The following WDR24 variants were observed in gnomAD, a reference collection of about 807,000 sequenced individuals.
The protein encoded by WDR24 is GATOR2 complex protein WDR24.
A neutral mutation model predicts 66.7 loss-of-function variants in WDR24; 32 were observed. The ratio of observed to expected loss-of-function variants is 0.48; its 90% confidence interval spans 0.36 to 0.64. The LOEUF (loss-of-function observed/expected upper bound fraction) is 0.64, where lower values mean the gene tolerates loss of function less well. Ranked by LOEUF, WDR24 falls within the 30% of genes least tolerant of loss-of-function variation. The pLI is 0.00. For missense variants in WDR24, 978 were observed against 1,144.1 expected (o/e 0.85, Z 2.09); for synonymous variants, 565 against 469.1 (o/e 1.20, Z -2.64).
chr16:686,918 G>A lies in WDR24; in HGVS notation c.1158C>T (p.Ala386=), dbSNP rs756872824. 21 of 1,606,566 alleles carry A rather than the reference G, an allele frequency of 1.3e-5. No individual in the cohort carries two copies. Among genetic ancestry groups the A allele is most frequent in the East Asian group, 2.2e-5 (1 of 44,760 alleles). The change falls in exon 3 of 9, where the codon GCC becomes GCT. Residue 386 remains alanine (A), a synonymous_variant. Coordinates refer to ENST00000293883, the MANE Select transcript of WDR24 (RefSeq NM_032259.4). ...TGGAGGCGAGGCCTGCGAAGGGCTC[G>A]GCAGGGTCCAGCTTGCGCTTAAAGA... is the stretch of plus-strand genomic sequence containing the variant. ...PIFFKRKLDP[A]EPFAGLASSA...
rs549672812 is a variant in WDR24, at chr16:686,554, T to C, written c.1332+190A>G. Among the ~76,000 whole-genome samples the C allele has an allele frequency of 7.3e-4, 64 of 87,750 alleles. 3 individuals are homozygous for C. In the South Asian group the frequency reaches 0.016, roughly 22 times the overall value. The allele number at this position is 87,750 out of a possible 152,430, so 57.6% of individuals were successfully genotyped here. A position where few individuals can be genotyped will look rare whatever the true frequency, so the allele number is the denominator to read the frequency against. The stretch of plus-strand genomic sequence containing the variant: ...ACCCCCGCCCCTCAGAGGACAGTCC[T>C]GGGTCTGGCCCACCCTGGAGCCCTG... On this transcript the variant is annotated intron_variant, in intron 3 of 8. Transcript: ENST00000293883.
chr16:690,038 G>A lies in WDR24; in HGVS notation c.-398C>T, dbSNP rs1345599195. 4.2e-6 allele frequency: 2 copies of A among 479,706 alleles called. No homozygotes were observed. Among genetic ancestry groups the A allele is most frequent in the Non-Finnish European group, 8.2e-6 (2 of 242,698 alleles). The allele number at this position is 479,706 out of a possible 1,614,324, so 29.7% of individuals were successfully genotyped here. A position where few individuals can be genotyped will look rare whatever the true frequency, so the allele number is the denominator to read the frequency against. ...GGTCAGTCAATCCCAGCAGGGGAGC[G>A]AGGAGACTCCCGCCGTCCACACTGT... On this transcript the variant is annotated 5_prime_UTR_variant, in exon 1 of 9. Coordinates refer to ENST00000293883, the MANE Select transcript of WDR24 (RefSeq NM_032259.4).
rs555445712 is a variant in WDR24 at position 690,205 on chromosome 16, T to C, written c.-565A>G. ...ACCGAGCTACTTAAGGAGCTCGAGG[T>C]GTCTGGCGGGACCGGAGGCAGGAGA... On this transcript the variant is annotated 5_prime_UTR_variant, in exon 1 of 9. Transcript: ENST00000293883. 2.6e-6 allele frequency: 1 copy of C among 389,992 alleles called. No homozygotes were observed. Among genetic ancestry groups the C allele is most frequent in the Admixed American group, 3.0e-5 (1 of 33,160 alleles). 24.2% of individuals were successfully genotyped at this position (389,992 alleles called of 1,614,324 possible).
chr16:689,742 A>G lies in WDR24; in HGVS notation c.-102T>C. The G allele has an allele frequency of 6.7e-7, 1 of 1,503,682 alleles. No homozygotes were observed. Among genetic ancestry groups the G allele is most frequent in the Non-Finnish European group, 8.9e-7 (1 of 1,124,568 alleles). The allele number at this position is 1,503,682 out of a possible 1,614,324, so 93.1% of individuals were successfully genotyped here. A position where few individuals can be genotyped will look rare whatever the true frequency, so the allele number is the denominator to read the frequency against. ...GTTCAGACCTTCCACCCAGGTTGGGACCCCAGAACTGCTTGGTCCCGGGCT... is the reference window on the plus strand; with the variant it reads ...GTTCAGACCTTCCACCCAGGTTGGGGCCCCAGAACTGCTTGGTCCCGGGCT... On this transcript the variant is annotated 5_prime_UTR_variant, in exon 1 of 9. Coordinates refer to ENST00000293883, the MANE Select transcript of WDR24 (RefSeq NM_032259.4).
Position 685,409 on chromosome 16 carries a change from G to A in WDR24, c.1867C>T (p.Leu623Phe), listed in dbSNP as rs758028560. ...TCGGGCGGCAGGCGGCTGTCGTAGA[G>A]CGCGTGTGAGACAGACAGGAGCGAG... ...SFSLLSVSHA[L>F]YDSRLPPDFF... is the part of the protein sequence containing the mutation. Residue 623 changes from leucine (L) to phenylalanine (F), a missense_variant, in exon 7 of 9, where the codon CTC becomes TTC. Around this residue, in one of 2 missense-constraint regions of WDR24, gnomAD observed 676 missense variants for 617.5 expected, o/e 1.09. Coordinates refer to ENST00000293883, the MANE Select transcript of WDR24 (RefSeq NM_032259.4). 3.7e-6 allele frequency: 6 copies of A among 1,612,612 alleles called. No homozygotes were observed. Among genetic ancestry groups the A allele is most frequent in the South Asian group, 3.3e-5 (3 of 91,072 alleles).
Position 686,731 on chromosome 16 carries a change from A to C in WDR24, c.1332+13T>G, listed in dbSNP as rs760706058. ...TCGTGGCCCAGGGACCCCCAGGCTC[A>C]GCACCTACCTACCTGGTTGCGGCCA... is the stretch of plus-strand genomic sequence containing the variant. On this transcript the variant is annotated intron_variant, in intron 3 of 8. Coordinates refer to ENST00000293883, the MANE Select transcript of WDR24 (RefSeq NM_032259.4). 6.3e-7 allele frequency: 1 copy of C among 1,579,880 alleles called. No homozygotes were observed.
Position 685,891 on chromosome 16 carries a change from CGA to C in WDR24, c.1549_1550del (p.Ser517GlyfsTer7). 6.2e-7 allele frequency: 1 copy of C among 1,613,154 alleles called. No homozygotes were observed. Among genetic ancestry groups the C allele is most frequent in the Non-Finnish European group, 8.5e-7 (1 of 1,179,968 alleles). On this transcript the variant is annotated frameshift_variant, in exon 5 of 9. Coordinates refer to ENST00000293883, the MANE Select transcript of WDR24 (RefSeq NM_032259.4). LOFTEE classifies it high-confidence loss of function. ...TACCCTCATTGGTGATGAGTGTGGC[CGA>C]GGAGTCGAGCAGAACTGTGTCGCTC... ...ARSDTVLLDSSATLITNEDNE... is the reference protein window; with the variant it reads ...ARSDTVLLDSXATLITNEDNE...
chr16:685,364 G>C lies in WDR24; in HGVS notation c.1912C>G (p.Arg638Gly). ...TCAGCGTAGAAGTGCAGCATGTCGC[G>C]CACCAGCACGCCGAAGAAGTCGGGC... ...LPPDFFGVLV[R>G]DMLHFYAEQG... The change falls in exon 7 of 9, where the codon CGC becomes GGC. Residue 638 changes from arginine (R) to glycine (G), a missense_variant. Physicochemically the swap from Arg to Gly is moderately radical, Grantham distance 125 (BLOSUM62 -2). This residue lies in a region of WDR24 where 676 missense variants were observed against 617.5 expected (regional missense o/e 1.09). Transcript: ENST00000293883. 2 of 1,611,818 alleles carry C rather than the reference G, an allele frequency of 1.2e-6. No homozygotes were observed. Among genetic ancestry groups the C allele is most frequent in the Non-Finnish European group, 1.7e-6 (2 of 1,179,836 alleles).
Position 685,346 on chromosome 16 carries a change from A to G in WDR24, c.1930T>C (p.Tyr644His), listed in dbSNP as rs1194548787. 1.2e-6 allele frequency: 2 copies of G among 1,610,980 alleles called. No homozygotes were observed. The highest frequency in any genetic ancestry group is 1.6e-4 in the Middle Eastern group (1 of 6,062). ...GVLVRDMLHF[Y>H]AEQGDVQMAV... Reference sequence around the variant, plus strand: ...ATCTGCACGTCGCCCTGCTCAGCGTAGAAGTGCAGCATGTCGCGCACCAGC... The same window carrying G: ...ATCTGCACGTCGCCCTGCTCAGCGTGGAAGTGCAGCATGTCGCGCACCAGC... Residue 644 changes from tyrosine to histidine, a missense_variant, in exon 7 of 9, where the codon TAC (tyrosine) becomes CAC (histidine). Physicochemically the swap from Tyr to His is moderately conservative, Grantham distance 83. Transcript: ENST00000293883.
rs2039869922 is a variant in WDR24 at position 685,008 on chromosome 16, C to G, written c.2188G>C (p.Gly730Arg). Reference protein sequence around the residue: ...SHCKRPMSSRGWVCDRCHRCA... With the variant: ...SHCKRPMSSRRWVCDRCHRCA... The stretch of plus-strand genomic sequence containing the variant: ...CTGCCCCACCTGTCGCAGACCCAGC[C>G]CCGGCTGCTCATGGGCCGCTTGCAG... Residue 730 changes from glycine to arginine, a missense_variant, in exon 8 of 9, where the codon GGC (glycine) becomes CGC (arginine). Gly to Arg is a moderately radical substitution (Grantham distance 125, BLOSUM62 -2). Around this residue, in one of 2 missense-constraint regions of WDR24, gnomAD observed 676 missense variants for 617.5 expected, o/e 1.09. Transcript: ENST00000293883. 2 of 1,550,166 alleles carry G rather than the reference C, an allele frequency of 1.3e-6. No homozygotes were observed. Among genetic ancestry groups the G allele is most frequent in the Admixed American group, 1.9e-5 (1 of 52,146 alleles).
At position 686,007 on chromosome 16, in the gene WDR24, C is replaced by G. The variant is rs1232225584; in HGVS notation, c.1452-17G>C. ...AGGTTGAAACTGGGGGCAGGAAGGG[C>G]CCATGGGTGGGTGGGCTCGAGCAGC... On this transcript the variant is annotated splice_polypyrimidine_tract_variant and intron_variant, in intron 4 of 8. Transcript: ENST00000293883. 1.2e-6 allele frequency: 2 copies of G among 1,612,920 alleles called. No homozygotes were observed. The highest frequency in any genetic ancestry group is 1.7e-6 in the Non-Finnish European group (2 of 1,179,942).
chr16:688,919 A>G (rs1296765093), intron 1 of WDR24: 5 of 600,630 alleles, frequency 8.3e-6, no homozygotes, highest in Admixed American at 6.4e-5. Flanking sequence ...CCCTCACCCC[A>G]CACCTAGCCT....
In WDR24 at chr16:687,342, A is replaced by G; in HGVS notation, c.734T>C (p.Met245Thr). 1 of 1,607,878 alleles carries G rather than the reference A, an allele frequency of 6.2e-7. No individual in the cohort carries two copies. The highest frequency in any genetic ancestry group is 1.3e-5 in the African/African-American group (1 of 74,950). Reference sequence around the variant, plus strand: ...CGAGGCGATGGTCTGCACACAGTGCATCTCCTTGGCACGGTGCGTGGTCAT... The same window carrying G: ...CGAGGCGATGGTCTGCACACAGTGCGTCTCCTTGGCACGGTGCGTGGTCAT... ...WDMTTHRAKE[M>T]HCVQTIASVA... Residue 245 changes from methionine to threonine, a missense_variant, in exon 3 of 9, where the codon ATG (methionine) becomes ACG (threonine). Around this residue, in one of 2 missense-constraint regions of WDR24, gnomAD observed 302 missense variants for 526.6 expected, o/e 0.57. Coordinates refer to ENST00000293883, the MANE Select transcript of WDR24 (RefSeq NM_032259.4).
At chr16:688,265 C>G (rs547581958) in intron 1 of WDR24, among the ~76,000 whole-genome samples, 1 of 152,288 alleles carries the variant, frequency 6.6e-6, no homozygotes, top group African/African-American at 2.4e-5. Flanking sequence ...CAACCTTCCT[C>G]CAGGGCCCTG....
At chr16:688,088 G>A (rs769744919) in intron 1 of WDR24, 9 of 481,234 alleles carry the variant, frequency 1.9e-5, no homozygotes, top group South Asian at 7.7e-5. Context: ...GCCCACTCCC[G>A]TGGCCCTGTG....
At position 685,413 on chromosome 16, in the gene WDR24, G is replaced by A. The variant is rs757591355; in HGVS notation, c.1863C>T (p.His621=). ...GCGGCAGGCGGCTGTCGTAGAGCGC[G>A]TGTGAGACAGACAGGAGCGAGAAGG... The part of the protein sequence containing the change: ...DSSFSLLSVS[H]ALYDSRLPPD... Residue 621 remains histidine (H), a synonymous_variant, in exon 7 of 9, where the codon CAC becomes CAT. Transcript: ENST00000293883. The A allele has an allele frequency of 1.2e-6, 2 of 1,612,326 alleles. No individual in the cohort carries two copies. Among genetic ancestry groups the A allele is most frequent in the Admixed American group, 1.7e-5 (1 of 59,984 alleles).
Position 686,075 on chromosome 16 carries a change from T to C in WDR24, c.1444A>G (p.Met482Val). The change falls in exon 4 of 9, where the codon ATG (methionine) becomes GTG (valine). Residue 482 changes from methionine to valine, a missense_variant. By Grantham distance (21) the Met-to-Val change is conservative. Transcript: ENST00000293883. Reference sequence around the variant, plus strand: ...GCTGCCCCCGGCATCTACCTGTTCATGAGCGGGAGGCCACAGGAGCCACCC... The same window carrying C: ...GCTGCCCCCGGCATCTACCTGTTCACGAGCGGGAGGCCACAGGAGCCACCC... ...GKGGSCGLPL[M>V]NSFNLKDMAP... 1.2e-6 allele frequency: 2 copies of C among 1,612,970 alleles called. No homozygotes were observed. The highest frequency in any genetic ancestry group is 1.7e-5 in the Admixed American group (1 of 60,012).
chr16:684,939 G>A (rs1039814748), intron 8 of WDR24, 37 bp from the exon 9 acceptor site: 26 of 1,535,694 alleles, frequency 1.7e-5, no homozygotes, highest in Admixed American at 1.6e-4. Context: ...CTCAGCGGGG[G>A]CTGCTGCGCT....
rs11640115 is a variant in WDR24, at chr16:685,794, A to G, written c.1574-11T>C. 427,719 of 1,612,886 alleles carry G rather than the reference A, an allele frequency of 0.27. 65,531 individuals carry two copies. Among genetic ancestry groups the G allele is most frequent in the East Asian group, 0.71 (31,650 of 44,868 alleles). The stretch of plus-strand genomic sequence containing the variant: ...CGGTTTCCTCGTTATCTGCCCGACA[A>G]TGGGGCGGGCATTCAGGGTCGTCTG... On this transcript the variant is annotated splice_polypyrimidine_tract_variant and intron_variant, in intron 5 of 8. Coordinates refer to ENST00000293883, the MANE Select transcript of WDR24 (RefSeq NM_032259.4).
Sources: gnomAD v4.1 joint callset for allele counts (sites outside exome capture counted in the v4.1 genomes callset) on GRCh38, gnomAD v4.1.1 for gene constraint, gnomAD v4.1.1 regional missense constraint, MANE v1.5 for transcripts, NCBI Gene and HGNC (gene_info 2026-07-23, HGNC 2026-07-21) for gene names.